Variants in C1orf21 observed in about 807,000 individuals in gnomAD.
C1orf21 encodes chromosome 1 open reading frame 21, also known as uncharacterized protein C1orf21.
Under a neutral mutation model 18.7 loss-of-function variants are expected in C1orf21, and 3 were observed. The ratio of observed to expected loss-of-function variants is 0.16; its 90% CI spans 0.07 to 0.42. The LOEUF is 0.42. Among genes scored for constraint, C1orf21 ranks in the 10% least tolerant of loss-of-function variants. The probability of loss-of-function intolerance (pLI) is 0.99; values close to 1 mark genes in which losing one functional copy is unlikely to be tolerated. For missense variants in C1orf21, 104 were observed against 143.6 expected, an observed-to-expected ratio of 0.72 and a Z score of 1.41; for synonymous variants, 41 against 46.4, an observed-to-expected ratio of 0.88 and a Z score of 0.47.
chr1:184,596,647 A>C (rs1275326326), intron 4 of C1orf21, among the ~76,000 whole-genome samples: 1 of 152,174 alleles, frequency 6.6e-6, no homozygotes, highest in Non-Finnish European at 1.5e-5. Context: ...AGGTGAGTGG[A>C]TCACCTGAGG....
intron 3 of C1orf21, chr1:184,566,561 C>T: frequency 2.7e-6 from 1 of 377,040 alleles, no homozygotes; most frequent in Non-Finnish European, 5.1e-6. Flanking sequence ...GGTGCTTCCT[C>T]TCTATGGTGG....
chr1:184,566,943 A>G, intron 3 of C1orf21: 1 of 526,450 alleles, frequency 1.9e-6, no homozygotes, highest in Middle Eastern at 3.2e-4. Context: ...ATCAGCAGCT[A>G]CAGAAATAAG....
At chr1:184,500,769 C>G (rs1215680538) in intron 2 of C1orf21, among the ~76,000 whole-genome samples, 1 of 152,162 alleles carries the variant, frequency 6.6e-6, no homozygotes, top group Non-Finnish European at 1.5e-5. Flanking sequence ...TCTTTTTCCC[C>G]TAGGATAAGT....
rs1240983241 is a variant in C1orf21, at chr1:184,628,310, C to T, written c.*8754C>T. ...CATATATCCCTTTACTTTTGTACTA[C>T]TATATTAGGCACATTATAAAAAGTA... On this transcript the variant is annotated 3_prime_UTR_variant, in exon 6 of 6. Coordinates refer to ENST00000235307, the MANE Select transcript of C1orf21 (RefSeq NM_030806.4). The T allele has an allele frequency of 2.0e-5, 3 of 152,214 alleles. No homozygotes were observed. The highest frequency in any genetic ancestry group is 4.4e-5 in the Non-Finnish European group (3 of 68,036). The allele number at this position is 152,214 out of a possible 1,614,324, so 9.4% of individuals were successfully genotyped here. A position where few individuals can be genotyped will look rare whatever the true frequency, so the allele number is the denominator to read the frequency against.
Position 184,559,589 on chromosome 1 carries a change from C to T in C1orf21, c.190-31150C>T, listed in dbSNP as rs867556185. ...TCTTCCCCTCCCTCCCTCTCTTCCTCCCTTCCTTCCTTCCTTCCTTCCTCC... is the reference window on the plus strand; with the variant it reads ...TCTTCCCCTCCCTCCCTCTCTTCCTTCCTTCCTTCCTTCCTTCCTTCCTCC... On this transcript the variant is annotated intron_variant, in intron 3 of 5. Transcript: ENST00000235307. Among the ~76,000 whole-genome samples the T allele has an allele frequency of 1.1e-3, 110 of 98,612 alleles. 2 individuals are homozygous for T. Among genetic ancestry groups the T allele is most frequent in the Middle Eastern group, 5.5e-3 (1 of 182 alleles). The allele number at this position is 98,612 out of a possible 152,430, so 64.7% of individuals were successfully genotyped here.
At chr1:184,529,046 G>A (rs1658418805) in intron 3 of C1orf21, among the ~76,000 whole-genome samples, 1 of 151,990 alleles carries the variant, frequency 6.6e-6, no homozygotes, top group Admixed American at 6.6e-5. Flanking sequence ...GAGATAAGAG[G>A]CAGAATTGAT....
intron 3 of C1orf21, among the ~76,000 whole-genome samples, chr1:184,570,605 G>A (rs1659094302): frequency 6.6e-6 from 1 of 152,014 alleles, no homozygotes. Context: ...TTAAGAAAAG[G>A]GTGTGCTTAG....
At position 184,514,474 on chromosome 1, in the gene C1orf21, C is replaced by CATT. The variant is rs1280819645; in HGVS notation, c.189+6794_189+6796dup. Among the ~76,000 whole-genome samples the CATT allele has an allele frequency of 2.0e-5, 3 of 152,186 alleles. No homozygotes were observed. In the South Asian group the frequency reaches 6.2e-4, roughly 31 times the overall value. ...TTATGACATGATCCCATTTTTCACC[C>CATT]ATTAGATTGGCAAAATGTTGAAGTT... On this transcript the variant is annotated intron_variant, in intron 3 of 5. Transcript: ENST00000235307.
At chr1:184,438,022 T>C (rs1327780923) in intron 1 of C1orf21, among the ~76,000 whole-genome samples, 1 of 152,150 alleles carries the variant, frequency 6.6e-6, no homozygotes, top group Non-Finnish European at 1.5e-5. Flanking sequence ...AATGGGGAGC[T>C]GCTGTAAATA....
At chr1:184,487,582 C>T (rs1657751795) in intron 2 of C1orf21, among the ~76,000 whole-genome samples, 1 of 152,122 alleles carries the variant, frequency 6.6e-6, no homozygotes, top group Non-Finnish European at 1.5e-5. Context: ...GCTCAGAAGT[C>T]TTTGAGAAGT....
At chr1:184,577,871 C>T (rs1050744406) in intron 3 of C1orf21, among the ~76,000 whole-genome samples, 1 of 151,678 alleles carries the variant, frequency 6.6e-6, no homozygotes, top group Non-Finnish European at 1.5e-5. Flanking sequence ...AATATTTTTA[C>T]CCACCAGAAA....
At chr1:184,413,012 G>A (rs1656379827) in intron 1 of C1orf21, among the ~76,000 whole-genome samples, 1 of 152,128 alleles carries the variant, frequency 6.6e-6, no homozygotes, top group Non-Finnish European at 1.5e-5. Context: ...TGCAAGCATG[G>A]AGCATTGTGA....
intron 2 of C1orf21, among the ~76,000 whole-genome samples, chr1:184,502,910 T>C (rs1002111203): frequency 2.0e-5 from 3 of 151,728 alleles, no homozygotes; most frequent in African/African-American, 7.3e-5. Flanking sequence ...AAACCCTGCC[T>C]CTACAAAAAA....
chr1:184,449,381 A>T (rs560378620), intron 1 of C1orf21, among the ~76,000 whole-genome samples: 1 of 152,156 alleles, frequency 6.6e-6, no homozygotes, highest in Non-Finnish European at 1.5e-5. Context: ...ACATGAACTC[A>T]TCATTTTTTA....
chr1:184,503,753 C>A (rs1432210637), intron 2 of C1orf21, among the ~76,000 whole-genome samples: 1 of 152,164 alleles, frequency 6.6e-6, no homozygotes, highest in Non-Finnish European at 1.5e-5. Context: ...GGGTCAGACC[C>A]CATTCCTTCC....
chr1:184,578,286 G>A (rs1263159198), intron 3 of C1orf21, among the ~76,000 whole-genome samples: 2 of 152,118 alleles, frequency 1.3e-5, no homozygotes, highest in African/African-American at 2.4e-5. Flanking sequence ...AGTCTCCTGG[G>A]GACCAGGCAA....
chr1:184,530,947 G>A (rs1382404632), intron 3 of C1orf21, among the ~76,000 whole-genome samples: 3 of 151,958 alleles, frequency 2.0e-5, no homozygotes, highest in Admixed American at 6.6e-5. Flanking sequence ...GATACCTACG[G>A]CCATTTAAAT....
At chr1:184,582,408 A>G (rs1659287252) in intron 3 of C1orf21, among the ~76,000 whole-genome samples, 1 of 152,260 alleles carries the variant, frequency 6.6e-6, no homozygotes, top group Non-Finnish European at 1.5e-5. Flanking sequence ...ACACACACAC[A>G]TGCTCACAGT....
chr1:184,462,399 C>T (rs755777108), intron 1 of C1orf21, among the ~76,000 whole-genome samples: 2 of 152,100 alleles, frequency 1.3e-5, no homozygotes, highest in South Asian at 2.1e-4. Context: ...AAGCCTCCAG[C>T]GTTTTGTGAT....
Sources: gnomAD v4.1 joint callset for allele counts (sites outside exome capture counted in the v4.1 genomes callset) on GRCh38, gnomAD v4.1.1 for gene constraint, MANE v1.5 for transcripts, NCBI Gene and HGNC (gene_info 2026-07-23, HGNC 2026-07-21) for gene names.